SUCLG1: variants seen among roughly 807,000 people sequenced by gnomAD.
SUCLG1 encodes succinate--CoA ligase [ADP/GDP-forming] subunit alpha, mitochondrial.
In SUCLG1, 26 loss-of-function variants were observed where a neutral mutation model predicts 37.3. The observed-to-expected ratio is 0.70, with a 90% CI of 0.51 to 0.97. The LOEUF is 0.97. SUCLG1 is among the 50% of genes least tolerant of loss of function. The pLI is 0.00. For synonymous variants in SUCLG1, 163 were observed against 155.6 expected, an observed-to-expected ratio of 1.05 and a Z score of -0.36; for missense variants, 433 against 432.9, an observed-to-expected ratio of 1.00 and a Z score of 0.00.
In SUCLG1 at chr2:84,425,518, A is replaced by G. The variant is rs749465970; in HGVS notation, c.911T>C (p.Ile304Thr). 3.7e-6 allele frequency: 6 copies of G among 1,614,122 alleles called. No individual in the cohort carries two copies. The Middle Eastern group carries it at 4.9e-4, about 133-fold the overall frequency. ...GRRMGHAGAI[I>T]AGGKGGAKEK... ...TTTAGCTCCACCTTTTCCTCCAGCAATAATTGCCCCGGCATGACCCATTCT... is the reference window on the plus strand; with the variant it reads ...TTTAGCTCCACCTTTTCCTCCAGCAGTAATTGCCCCGGCATGACCCATTCT... Residue 304 changes from isoleucine (I) to threonine (T), a missense_variant, in exon 8 of 9, where the codon ATT (isoleucine) becomes ACT (threonine). By Grantham distance (89) the Ile-to-Thr change is moderately conservative. Coordinates refer to ENST00000393868, the MANE Select transcript of SUCLG1 (RefSeq NM_003849.4).
At position 84,456,754 on chromosome 2, in the gene SUCLG1, C is replaced by T. The variant is rs1341477839; in HGVS notation, c.97+2419G>A. Among the ~76,000 whole-genome samples the T allele has an allele frequency of 2.6e-5, 4 of 152,126 alleles. No individual in the cohort carries two copies. In the East Asian group the frequency reaches 7.7e-4, roughly 29 times the overall value. ...TCTCAGCTCACTGCAAGCTCCACCT[C>T]CCGGGTTCAAGCAATTCTCCTGCCT... On this transcript the variant is annotated intron_variant, in intron 1 of 8. Transcript: ENST00000393868.
chr2:84,453,896 C>T (rs1195812546), intron 1 of SUCLG1, among the ~76,000 whole-genome samples: 3 of 152,222 alleles, frequency 2.0e-5, no homozygotes, highest in Non-Finnish European at 4.4e-5. Flanking sequence ...AGAACATCAT[C>T]GCAGGAATCA....
chr2:84,457,873 C>T, intron 1 of SUCLG1, among the ~76,000 whole-genome samples: 1 of 151,938 alleles, frequency 6.6e-6, no homozygotes, highest in East Asian at 1.9e-4. Context: ...AAAGCTTTAC[C>T]AAACAAACCA....
intron 7 of SUCLG1, among the ~76,000 whole-genome samples, chr2:84,429,461 C>T (rs1573363429): frequency 6.6e-6 from 1 of 152,110 alleles, no homozygotes; most frequent in Non-Finnish European, 1.5e-5. Flanking sequence ...TAACAATCTA[C>T]TCTTCCATTT....
At chr2:84,439,216 A>C (rs2104251601) in intron 5 of SUCLG1, among the ~76,000 whole-genome samples, 1 of 152,046 alleles carries the variant, frequency 6.6e-6, no homozygotes, top group South Asian at 2.1e-4. Context: ...TCCTTTTTCA[A>C]AGGAATTAAA....
chr2:84,425,280 T>C, intron 8 of SUCLG1, 135 bp downstream of exon 8: 1 of 978,034 alleles, frequency 1.0e-6, no homozygotes, highest in East Asian at 2.6e-5. Flanking sequence ...ATAGAGTTGA[T>C]ACAAACTATT....
At chr2:84,447,803 C>T (rs1277767235) in intron 2 of SUCLG1, among the ~76,000 whole-genome samples, 1 of 152,126 alleles carries the variant, frequency 6.6e-6, no homozygotes. Context: ...AATCATGACT[C>T]ACTGCAGCCT....
rs1033544285 is a variant in SUCLG1 at position 84,441,127 on chromosome 2, G to A, written c.532-23C>T. The A allele has an allele frequency of 4.3e-6, 7 of 1,613,270 alleles. No individual in the cohort carries two copies. The Admixed American group carries it at 1.2e-4, about 27-fold the overall frequency. ...AGGCTGAAAGTAATCATAGTTTTCA[G>A]AAATGTTAAAAAAAAAAGTCACTCA... On this transcript the variant is annotated intron_variant, in intron 4 of 8. Transcript: ENST00000393868.
intron 1 of SUCLG1, among the ~76,000 whole-genome samples, chr2:84,456,755 C>T (rs1673027064): frequency 6.6e-6 from 1 of 152,156 alleles, no homozygotes; most frequent in Non-Finnish European, 1.5e-5. Context: ...GCTCCACCTC[C>T]CGGGTTCAAG....
chr2:84,430,574 C>G (rs1011210549), intron 7 of SUCLG1, among the ~76,000 whole-genome samples: 5 of 152,066 alleles, frequency 3.3e-5, no homozygotes, highest in Non-Finnish European at 5.9e-5. Context: ...AATAAATATG[C>G]CTTGTTTTGT....
rs1204958849 is a variant in SUCLG1 at position 84,423,616 on chromosome 2, G to A, written c.*130C>T. 4.5e-6 allele frequency: 4 copies of A among 888,120 alleles called. No individual in the cohort carries two copies. The highest frequency in any genetic ancestry group is 2.0e-5 in the Admixed American group (1 of 49,390). The allele number at this position is 888,120 out of a possible 1,614,324, so 55.0% of individuals were successfully genotyped here. A position where few individuals can be genotyped will look rare whatever the true frequency, so the allele number is the denominator to read the frequency against. ...TCAGGACATCTTCCACCTTGTTTTG[G>A]CTTCCAGTTGTACTGCAAGACCAGT... On this transcript the variant is annotated 3_prime_UTR_variant, in exon 9 of 9. Coordinates refer to ENST00000393868, the MANE Select transcript of SUCLG1 (RefSeq NM_003849.4).
Position 84,443,373 on chromosome 2 carries a change from C to G in SUCLG1, c.229G>C (p.Glu77Gln). ...CCTCCAACGAGTTTGGTGCCATATT[C>G]CAATGCCTGCTGGCTGTGAAAGGTG... The part of the protein sequence containing the change: ...QGTFHSQQAL[E>Q]YGTKLVGGTT... Residue 77 changes from glutamate to glutamine, a missense_variant, in exon 3 of 9, where the codon GAA becomes CAA. Glu to Gln is a conservative substitution (Grantham distance 29, BLOSUM62 2). Transcript: ENST00000393868. The G allele has an allele frequency of 1.2e-6, 2 of 1,614,120 alleles. No individual in the cohort carries two copies. Among genetic ancestry groups the G allele is most frequent in the Non-Finnish European group, 1.7e-6 (2 of 1,179,992 alleles).
intron 1 of SUCLG1, 145 bp from the exon 2 acceptor site, chr2:84,449,897 C>CT: frequency 1.7e-6 from 1 of 593,948 alleles, no homozygotes; most frequent in South Asian, 2.3e-5. Flanking sequence ...TAAATGCCAC[C>CT]TTTTAAATAA....
rs1573361542 is a variant in SUCLG1, at chr2:84,425,699, G to T, written c.826-96C>A. 3 of 1,398,412 alleles carry T rather than the reference G, an allele frequency of 2.1e-6. No individual in the cohort carries two copies. The East Asian group carries it at 6.9e-5, about 32-fold the overall frequency. The allele number at this position is 1,398,412 out of a possible 1,614,324, so 86.6% of individuals were successfully genotyped here. On this transcript the variant is annotated intron_variant, in intron 7 of 8. Transcript: ENST00000393868. ...TCTGCTGGTAAATGGTAAATGGCTT[G>T]GGCAGGGGAAAGCCCACCATTCATC...
intron 7 of SUCLG1, among the ~76,000 whole-genome samples, chr2:84,431,265 A>G (rs1242062245): frequency 6.6e-6 from 1 of 152,198 alleles, no homozygotes; most frequent in African/African-American, 2.4e-5. Context: ...CAGCAGGAGA[A>G]CGACTTACCT....
intron 1 of SUCLG1, among the ~76,000 whole-genome samples, chr2:84,454,531 G>C (rs1220226728): frequency 3.9e-5 from 6 of 152,196 alleles, no homozygotes; most frequent in East Asian, 1.9e-4. Context: ...CAGGCTATCT[G>C]TCAGGTGCTA....
Position 84,431,579 on chromosome 2 carries a change from T to C in SUCLG1, c.754A>G (p.Ile252Val), listed in dbSNP as rs1387277652. 3 of 1,613,966 alleles carry C rather than the reference T, an allele frequency of 1.9e-6. No homozygotes were observed. Among genetic ancestry groups the C allele is most frequent in the Middle Eastern group, 1.6e-4 (1 of 6,084 alleles). The change falls in exon 7 of 9, where the codon ATC (isoleucine) becomes GTC (valine). Residue 252 changes from isoleucine (I) to valine (V), a missense_variant. By Grantham distance (29) the Ile-to-Val change is conservative. Transcript: ENST00000393868. ...CCACCAATTTCACCAATCAATATGA[T>C]GCCTTCTGTGGCAGAATCGTTCAAA... Reference protein sequence around the residue: ...IFLNDSATEGIILIGEIGGNA... With the variant: ...IFLNDSATEGVILIGEIGGNA...
Position 84,425,613 on chromosome 2 carries a change from AAGT to A in SUCLG1, c.826-13_826-11del. The A allele has an allele frequency of 1.2e-6, 2 of 1,614,142 alleles. No individual in the cohort carries two copies. Among genetic ancestry groups the A allele is most frequent in the Non-Finnish European group, 1.7e-6 (2 of 1,179,990 alleles). On this transcript the variant is annotated splice_polypyrimidine_tract_variant and intron_variant, in intron 7 of 8. Transcript: ENST00000393868. ...GCTTGGAATTTGGACCCTAGAAAGA[AAGT>A]AATATTTTAAATGCTCTAATGAAGA... is the stretch of plus-strand genomic sequence containing the variant.
intron 7 of SUCLG1, 185 bp from the exon 8 acceptor site, chr2:84,425,788 T>G (rs889389310): frequency 6.1e-6 from 4 of 658,650 alleles, no homozygotes; most frequent in Non-Finnish European, 1.1e-5. Context: ...TTGAGTTAAC[T>G]TTCCATACAA....
Sources: gnomAD v4.1 joint callset for allele counts (sites outside exome capture counted in the v4.1 genomes callset) on GRCh38, gnomAD v4.1.1 for gene constraint, MANE v1.5 for transcripts, NCBI Gene and HGNC (gene_info 2026-07-23, HGNC 2026-07-21) for gene names.